SENP6: variants seen among roughly 807,000 people sequenced by gnomAD.
SENP6 encodes sentrin-specific protease 6.
A neutral mutation model predicts 134.5 loss-of-function variants in SENP6; 41 were observed. That is an observed-to-expected ratio of 0.30 (90% CI 0.24 to 0.40). SENP6 has a LOEUF of 0.40. Ranked by LOEUF, SENP6 falls within the 10% of genes least tolerant of loss-of-function variation. The pLI is 1.00. For synonymous variants in SENP6, 395 were observed against 429.8 expected (o/e 0.92, Z 1.00); for missense variants, 1,248 against 1,312.5 (o/e 0.95, Z 0.76).
intron 1 of SENP6, among the ~76,000 whole-genome samples, chr6:75,602,909 T>A (rs1766745104): frequency 6.6e-6 from 1 of 152,198 alleles, no homozygotes; most frequent in African/African-American, 2.4e-5. Context: ...GCAGCCAGCA[T>A]TCACATCTTG....
chr6:75,713,683 A>C lies in SENP6; in HGVS notation c.2987A>C (p.Glu996Ala). 4.3e-6 allele frequency: 7 copies of C among 1,611,314 alleles called. No homozygotes were observed. The highest frequency in any genetic ancestry group is 5.9e-6 in the Non-Finnish European group (7 of 1,178,024). The stretch of plus-strand genomic sequence containing the variant: ...TATATGAATTATTGCAGGTATTTAG[A>C]AGTGGAATGGGAAGTTAAAAAAGGA... ...NVVKILREYLEVEWEVKKGSK... is the reference protein window; with the variant it reads ...NVVKILREYLAVEWEVKKGSK... The change falls in exon 23 of 24, where the codon GAA becomes GCA. Residue 996 changes from glutamate (E) to alanine (A), a missense_variant. Glu to Ala is a moderately radical substitution (Grantham distance 107). Coordinates refer to ENST00000447266, the MANE Select transcript of SENP6 (RefSeq NM_015571.4).
At chr6:75,602,974 A>G (rs186140130) in intron 1 of SENP6, among the ~76,000 whole-genome samples, 1 of 152,196 alleles carries the variant, frequency 6.6e-6, no homozygotes, top group Non-Finnish European at 1.5e-5. Flanking sequence ...CTGGGGACCA[A>G]TCTAAGTAGG....
intron 16 of SENP6, among the ~76,000 whole-genome samples, chr6:75,684,692 G>T (rs189312970): frequency 6.6e-6 from 1 of 152,268 alleles, no homozygotes; most frequent in Non-Finnish European, 1.5e-5. Flanking sequence ...TTATACGATG[G>T]ATTATGTTTA....
rs1775139621 is a variant in SENP6 at position 75,702,940 on chromosome 6, A to C, written c.2584A>C (p.Lys862Gln). 1 of 1,613,942 alleles carries C rather than the reference A, an allele frequency of 6.2e-7. No individual in the cohort carries two copies. Among genetic ancestry groups the C allele is most frequent in the Non-Finnish European group, 8.5e-7 (1 of 1,179,940 alleles). Residue 862 changes from lysine to glutamine, a missense_variant, in exon 19 of 24, where the codon AAA (lysine) becomes CAA (glutamine). By Grantham distance (53) the Lys-to-Gln change is moderately conservative. Transcript: ENST00000447266. ...CATATGCAGTGTAAAATACAGTGTG[A>C]AAAAAATAAATCATACTGCGAGTGA... ...RNICSVKYSV[K>Q]KINHTASENE...
intron 3 of SENP6, among the ~76,000 whole-genome samples, chr6:75,627,901 T>C (rs1768821340): frequency 6.6e-6 from 1 of 152,030 alleles, no homozygotes; most frequent in Non-Finnish European, 1.5e-5. Context: ...TCTCGAACTC[T>C]GACCTCGTGA....
intron 5 of SENP6, among the ~76,000 whole-genome samples, chr6:75,636,968 A>G (rs1184439124): frequency 6.6e-6 from 1 of 151,420 alleles, no homozygotes; most frequent in Non-Finnish European, 1.5e-5. Flanking sequence ...GCAGCCTCAA[A>G]CTTCTGGTCT....
intron 5 of SENP6, among the ~76,000 whole-genome samples, chr6:75,637,697 T>A (rs1769633545): frequency 6.6e-6 from 1 of 151,998 alleles, no homozygotes; most frequent in Non-Finnish European, 1.5e-5. Context: ...GTAATTCTTA[T>A]AAGGTTCTTA....
intron 16 of SENP6, among the ~76,000 whole-genome samples, chr6:75,691,245 T>C (rs745476187): frequency 3.3e-5 from 5 of 151,312 alleles, no homozygotes; most frequent in Non-Finnish European, 5.9e-5. Flanking sequence ...CTGGCTCAAG[T>C]GATCCTCCTG....
At chr6:75,632,297 AC>A (rs1349141268) in intron 3 of SENP6, among the ~76,000 whole-genome samples, 1 of 152,188 alleles carries the variant, frequency 6.6e-6, no homozygotes, top group Non-Finnish European at 1.5e-5. Flanking sequence ...AGTAACTGAT[AC>A]CACAGAAAGC....
At chr6:75,610,618 T>C (rs983778682) in intron 1 of SENP6, among the ~76,000 whole-genome samples, 7 of 152,224 alleles carry the variant, frequency 4.6e-5, no homozygotes, top group East Asian at 1.9e-4. Context: ...TATTAACTAT[T>C]ATCTTCAGAG....
chr6:75,718,023 G>A lies in SENP6; in HGVS notation c.*2429G>A, dbSNP rs1025345704. ...CATAACCCTAAAAAAGGTTTTCTTT[G>A]TGTAGTAACTTGTGCTTAAACTTTT... On this transcript the variant is annotated 3_prime_UTR_variant, in exon 24 of 24. Coordinates refer to ENST00000447266, the MANE Select transcript of SENP6 (RefSeq NM_015571.4). 3.3e-5 allele frequency: 5 copies of A among 152,096 alleles called. No homozygotes were observed. The highest frequency in any genetic ancestry group is 6.6e-5 in the Admixed American group (1 of 15,260). The allele number at this position is 152,096 out of a possible 1,614,324, so 9.4% of individuals were successfully genotyped here. A position where few individuals can be genotyped will look rare whatever the true frequency, so the allele number is the denominator to read the frequency against.
intron 1 of SENP6, among the ~76,000 whole-genome samples, chr6:75,604,558 G>C (rs1432874086): frequency 6.6e-6 from 1 of 151,570 alleles, no homozygotes; most frequent in African/African-American, 2.4e-5. Flanking sequence ...CTTGGAAACG[G>C]GAGGCAGAGG....
intron 16 of SENP6, among the ~76,000 whole-genome samples, chr6:75,691,888 C>T (rs528336115): frequency 6.6e-6 from 1 of 152,110 alleles, no homozygotes; most frequent in South Asian, 2.1e-4. Flanking sequence ...TGGAGTTTCA[C>T]TCTCGTTGTC....
In SENP6 at chr6:75,681,856, C is replaced by G. The variant is rs114456787; in HGVS notation, c.2075+2929C>G. Among the ~76,000 whole-genome samples the G allele has an allele frequency of 7.2e-3, 1,087 of 151,770 alleles. 15 individuals carry two copies. The highest frequency in any genetic ancestry group is 0.024 in the African/African-American group (992 of 41,348). ...CCAGCCTGGGCAACATAGCAAAATC[C>G]TCATCTCTACAAAAAAACAAAAATA... On this transcript the variant is annotated intron_variant, in intron 16 of 23. Transcript: ENST00000447266.
chr6:75,703,999 A>G (rs937192390), intron 19 of SENP6, among the ~76,000 whole-genome samples: 21 of 152,198 alleles, frequency 1.4e-4, no homozygotes, highest in African/African-American at 4.8e-4. Context: ...TTAGATCTCA[A>G]TTTACACATT....
At chr6:75,653,799 G>A (rs545849790) in intron 7 of SENP6, among the ~76,000 whole-genome samples, 32 of 152,074 alleles carry the variant, frequency 2.1e-4, no homozygotes, top group Non-Finnish European at 4.3e-4. Context: ...GAAACTCCAC[G>A]GCTAGATAGA....
At chr6:75,699,038 AAGAC>A (rs915009448) in intron 18 of SENP6, among the ~76,000 whole-genome samples, 41 of 152,158 alleles carry the variant, frequency 2.7e-4, no homozygotes, top group African/African-American at 4.1e-4. Flanking sequence ...AAGAAAAAAA[AAGAC>A]AGAAAAGAAG....
At chr6:75,621,785 T>A (rs1768292868) in intron 2 of SENP6, among the ~76,000 whole-genome samples, 160 bp downstream of exon 2, 1 of 152,234 alleles carries the variant, frequency 6.6e-6, no homozygotes, top group South Asian at 2.1e-4. Context: ...AATTCCTTAT[T>A]GATAAATAAT....
At chr6:75,625,414 C>T (rs1328324357) in intron 3 of SENP6, among the ~76,000 whole-genome samples, 1 of 152,074 alleles carries the variant, frequency 6.6e-6, no homozygotes, top group Non-Finnish European at 1.5e-5. Flanking sequence ...CGTGCCTGGC[C>T]ATTACTAAAA....
Sources: allele counts gnomAD v4.1 joint callset (sites outside exome capture counted in the v4.1 genomes callset), GRCh38; gene constraint gnomAD v4.1.1; transcripts MANE v1.5; gene names NCBI Gene and HGNC (gene_info 2026-07-23, HGNC 2026-07-21).